The following FARP1 variants were observed in gnomAD, a reference collection of about 807,000 sequenced individuals.
FARP1 encodes FERM, ARH/RhoGEF and pleckstrin domain protein 1.
FARP1 carries 52 observed loss-of-function variants against 128.8 expected under a neutral mutation model. The observed-to-expected ratio is 0.40, with a 90% CI of 0.32 to 0.51. The LOEUF is 0.51. Ranked by LOEUF, FARP1 falls within the 20% of genes least tolerant of loss-of-function variation. The pLI, the probability that FARP1 is intolerant of heterozygous loss-of-function variation, is 0.45. For synonymous variants in FARP1, 580 were observed against 551.8 expected, an observed-to-expected ratio of 1.05 and a Z score of -0.72; for missense variants, 1,333 against 1,367.9, an observed-to-expected ratio of 0.97 and a Z score of 0.40.
intron 1 of FARP1, among the ~76,000 whole-genome samples, chr13:98,163,713 CT>C (rs11440645): frequency 1.5e-4 from 22 of 143,972 alleles, no homozygotes; most frequent in Admixed American, 2.1e-4. Flanking sequence ...ATGGCCTTTT[CT>C]TTTTTTTTTT....
At chr13:98,196,702 C>T (rs1294345373) in intron 1 of FARP1, among the ~76,000 whole-genome samples, 1 of 152,188 alleles carries the variant, frequency 6.6e-6, no homozygotes, top group East Asian at 1.9e-4. Context: ...GTCTGGTGGT[C>T]AACCTGATAG....
intron 1 of FARP1, among the ~76,000 whole-genome samples, chr13:98,154,336 A>C (rs1332794010): frequency 2.0e-5 from 3 of 152,190 alleles, no homozygotes; most frequent in Admixed American, 6.5e-5. Flanking sequence ...TTTTTATTTT[A>C]GCCATTTTAA....
At chr13:98,203,211 T>A (rs1880060899) in intron 1 of FARP1, among the ~76,000 whole-genome samples, 1 of 152,208 alleles carries the variant, frequency 6.6e-6, no homozygotes, top group Non-Finnish European at 1.5e-5. Context: ...TTCACAGGAA[T>A]ATTCACGGAC....
intron 6 of FARP1, among the ~76,000 whole-genome samples, chr13:98,378,458 C>T (rs926377919): frequency 3.3e-5 from 5 of 152,150 alleles, no homozygotes; most frequent in African/African-American, 1.2e-4. Context: ...GCTGACAAGC[C>T]ACCTGGGTGT....
intron 2 of FARP1, among the ~76,000 whole-genome samples, chr13:98,214,662 A>T (rs1594280249): frequency 6.6e-6 from 1 of 152,254 alleles, no homozygotes; most frequent in African/African-American, 2.4e-5. Context: ...AGATAAACTC[A>T]GAACAGCTAT....
intron 2 of FARP1, among the ~76,000 whole-genome samples, chr13:98,302,296 G>A (rs1885957295): frequency 6.6e-6 from 1 of 152,166 alleles, no homozygotes; most frequent in African/African-American, 2.4e-5. Flanking sequence ...GCTTATGCCT[G>A]TAATCTTACC....
In FARP1 at chr13:98,378,965, A is replaced by G. The variant is rs181993368; in HGVS notation, c.496+1047A>G. The stretch of plus-strand genomic sequence containing the variant: ...TATATATAATATATATATAATATAT[A>G]CAATATATAATCTATATATAATATA... On this transcript the variant is annotated intron_variant, in intron 6 of 26. Coordinates refer to ENST00000319562, the MANE Select transcript of FARP1 (RefSeq NM_005766.4). Among the ~76,000 whole-genome samples the G allele has an allele frequency of 2.3e-3, 203 of 90,208 alleles. 5 individuals carry two copies. The highest frequency in any genetic ancestry group is 9.3e-3 in the African/African-American group (169 of 18,184). 59.2% of individuals were successfully genotyped at this position (90,208 alleles called of 152,430 possible). A position where few individuals can be genotyped will look rare whatever the true frequency, so the allele number is the denominator to read the frequency against.
At position 98,453,264 on chromosome 13, in the gene FARP1, AAAAATTCAT is replaced by A; in HGVS notation, c.*4949_*4957del. 6.4e-7 allele frequency: 1 copy of A among 1,564,972 alleles called. No individual in the cohort carries two copies. The highest frequency in any genetic ancestry group is 8.7e-7 in the Non-Finnish European group (1 of 1,152,080). On this transcript the variant is annotated 3_prime_UTR_variant, in exon 27 of 27. Transcript: ENST00000319562. The stretch of plus-strand genomic sequence containing the variant: ...CACATGTCATTTCTCATCCCTGTGC[AAAAATTCAT>A]ATAGTAACCAAAATCTTAGTTTTCA...
chr13:98,271,989 T>G (rs1230510402), intron 2 of FARP1, among the ~76,000 whole-genome samples: 1 of 152,180 alleles, frequency 6.6e-6, no homozygotes, highest in Non-Finnish European at 1.5e-5. Flanking sequence ...TTTCTAGTTC[T>G]AGATCCTTGA....
chr13:98,453,039 G>A lies in FARP1; in HGVS notation c.*4722G>A. On this transcript the variant is annotated 3_prime_UTR_variant, in exon 27 of 27. Coordinates refer to ENST00000319562, the MANE Select transcript of FARP1 (RefSeq NM_005766.4). Reference sequence around the variant, plus strand: ...GAAGACTGTGTGTGTCCCTGGACGGGCGCCTGGCGCTGGGGTGGCTCCCAG... The same window carrying A: ...GAAGACTGTGTGTGTCCCTGGACGGACGCCTGGCGCTGGGGTGGCTCCCAG... 1 of 942,590 alleles carries A rather than the reference G, an allele frequency of 1.1e-6. No individual in the cohort carries two copies. The highest frequency in any genetic ancestry group is 1.6e-6 in the Non-Finnish European group (1 of 620,078). 58.4% of individuals were successfully genotyped at this position (942,590 alleles called of 1,614,324 possible). A position where few individuals can be genotyped will look rare whatever the true frequency, so the allele number is the denominator to read the frequency against.
At chr13:98,177,359 C>T (rs1878161514) in intron 1 of FARP1, 2 of 779,052 alleles carry the variant, frequency 2.6e-6, no homozygotes, top group Non-Finnish European at 3.9e-6. Flanking sequence ...AGAAAAGCTT[C>T]TGCTAGGCCA....
chr13:98,281,666 A>G (rs777328421), intron 2 of FARP1, among the ~76,000 whole-genome samples: 5 of 152,190 alleles, frequency 3.3e-5, no homozygotes, highest in African/African-American at 4.8e-5. Flanking sequence ...AACTGCAAAC[A>G]AGAAATCTGC....
Position 98,218,780 on chromosome 13 carries a change from T to A in FARP1, c.171+5367T>A, listed in dbSNP as rs573961459. Among the ~76,000 whole-genome samples, 392 of 152,368 alleles carry A rather than the reference T, an allele frequency of 2.6e-3. 1 individual carries two copies. Among genetic ancestry groups the A allele is most frequent in the South Asian group, 4.1e-3 (20 of 4,828 alleles). The stretch of plus-strand genomic sequence containing the variant: ...CCATGCTGCACTCCAGGCTGAACTC[T>A]ATGCTGTTTGACCATGGGAAATGGA... On this transcript the variant is annotated intron_variant, in intron 2 of 26. Coordinates refer to ENST00000319562, the MANE Select transcript of FARP1 (RefSeq NM_005766.4).
At chr13:98,274,576 C>T (rs936887888) in intron 2 of FARP1, among the ~76,000 whole-genome samples, 4 of 152,122 alleles carry the variant, frequency 2.6e-5, no homozygotes, top group African/African-American at 9.7e-5. Context: ...AACTCCTCCC[C>T]TAAAAGTAAA....
chr13:98,346,752 A>G (rs569812054), intron 3 of FARP1, among the ~76,000 whole-genome samples: 85 of 152,190 alleles, frequency 5.6e-4, no homozygotes, highest in African/African-American at 2.0e-3. Context: ...CTCAAAAAAA[A>G]AGTTCTTTTG....
intron 3 of FARP1, among the ~76,000 whole-genome samples, chr13:98,344,309 T>C (rs796608118): frequency 6.6e-6 from 1 of 152,070 alleles, no homozygotes. Flanking sequence ...TGGCAGGAGC[T>C]GGATGGATTC....
intron 2 of FARP1, among the ~76,000 whole-genome samples, chr13:98,276,986 G>T (rs1040155064): frequency 1.3e-5 from 2 of 152,186 alleles, no homozygotes; most frequent in Non-Finnish European, 2.9e-5. Context: ...ATTGCAAAAG[G>T]TGATTGATAT....
chr13:98,187,445 G>A (rs575225439), intron 1 of FARP1, among the ~76,000 whole-genome samples: 8 of 152,318 alleles, frequency 5.3e-5, no homozygotes, highest in Admixed American at 4.6e-4. Context: ...CATGGCATTT[G>A]AGATAATCTT....
chr13:98,323,759 A>G lies in FARP1; in HGVS notation c.172-20003A>G, dbSNP rs1236117649. Among the ~76,000 whole-genome samples the G allele has an allele frequency of 2.6e-5, 4 of 152,316 alleles. No individual in the cohort carries two copies. The East Asian group carries it at 7.7e-4, about 29-fold the overall frequency. On this transcript the variant is annotated intron_variant, in intron 2 of 26. Transcript: ENST00000319562. The stretch of plus-strand genomic sequence containing the variant: ...CTAGTTTATTTTGCTACTTGATAAG[A>G]AAAAAATCTCCAATTCTTGCATACT...
Sources: allele counts gnomAD v4.1 joint callset (sites outside exome capture counted in the v4.1 genomes callset), GRCh38; gene constraint gnomAD v4.1.1; transcripts MANE v1.5; gene names NCBI Gene and HGNC (gene_info 2026-07-23, HGNC 2026-07-21).